Variants in MCPH1 observed in about 807,000 individuals in gnomAD.
The protein encoded by MCPH1 is microcephalin.
In MCPH1, 104 loss-of-function variants were observed where a neutral mutation model predicts 84.5. That is an observed-to-expected ratio of 1.23 (90% CI 1.05 to 1.45). The LOEUF is 1.45. Among genes scored for constraint, MCPH1 ranks in the 40% most tolerant of loss-of-function variants. The probability of loss-of-function intolerance (pLI) is 0.00; values close to 1 mark genes in which losing one functional copy is unlikely to be tolerated. For missense variants in MCPH1, 1,498 were observed against 1,005.7 expected, an observed-to-expected ratio of 1.49 and a Z score of -6.62; for synonymous variants, 514 against 366.8, an observed-to-expected ratio of 1.40 and a Z score of -4.58.
At chr8:6,576,971 A>G (rs950687856) in intron 12 of MCPH1, among the ~76,000 whole-genome samples, 1 of 152,052 alleles carries the variant, frequency 6.6e-6, no homozygotes, top group African/African-American at 2.4e-5. Context: ...GGCCCTGCCC[A>G]TTCTGCGGAA....
chr8:6,438,464 G>A (rs1456652365), intron 5 of MCPH1, among the ~76,000 whole-genome samples: 3 of 152,116 alleles, frequency 2.0e-5, no homozygotes, highest in East Asian at 3.8e-4. Context: ...CACACAAAAC[G>A]AGCTCATAAC....
intron 12 of MCPH1, among the ~76,000 whole-genome samples, chr8:6,606,822 T>A (rs920171650): frequency 6.6e-6 from 1 of 152,160 alleles, no homozygotes; most frequent in African/African-American, 2.4e-5. Flanking sequence ...AGTGAATAAG[T>A]GTCATAAGAG....
intron 9 of MCPH1, among the ~76,000 whole-genome samples, chr8:6,457,954 C>G (rs1805877185): frequency 6.6e-6 from 1 of 152,104 alleles, no homozygotes; most frequent in African/African-American, 2.4e-5. Flanking sequence ...TGGCCCCAAG[C>G]CAGACATGCT....
chr8:6,500,289 G>T (rs893257286), intron 12 of MCPH1: 13 of 211,634 alleles, frequency 6.1e-5, no homozygotes, highest in Non-Finnish European at 1.1e-4. Flanking sequence ...AAAGATTATG[G>T]CTTGCTGGTG....
intron 13 of MCPH1, among the ~76,000 whole-genome samples, chr8:6,641,890 A>G (rs1391675176): frequency 6.6e-6 from 1 of 152,130 alleles, no homozygotes; most frequent in Non-Finnish European, 1.5e-5. Flanking sequence ...AGCTATCACA[A>G]ATGTTAGTGT....
chr8:6,626,516 G>C, intron 13 of MCPH1: 1 of 976,312 alleles, frequency 1.0e-6, no homozygotes, highest in South Asian at 4.8e-5. Context: ...CACACTTGTG[G>C]GTGGTTGAAC....
Position 6,502,981 on chromosome 8 carries a change from A to G in MCPH1, c.2214+3052A>G, listed in dbSNP as rs1008440387. The G allele has an allele frequency of 5.0e-6, 6 of 1,200,094 alleles. No individual in the cohort carries two copies. In the African/African-American group the frequency reaches 9.1e-5, roughly 18 times the overall value. 74.3% of individuals were successfully genotyped at this position (1,200,094 alleles called of 1,614,324 possible). On this transcript the variant is annotated intron_variant, in intron 12 of 13. Coordinates refer to ENST00000344683, the MANE Select transcript of MCPH1 (RefSeq NM_024596.5). ...TAATCTGGAGCATGTGGGTCCCGTC[A>G]GCACCGAGCACACGCCCTCTGTGGT...
intron 12 of MCPH1, among the ~76,000 whole-genome samples, chr8:6,517,732 T>C (rs764960890): frequency 6.6e-6 from 1 of 152,150 alleles, no homozygotes; most frequent in Non-Finnish European, 1.5e-5. Flanking sequence ...CTGTTACAGA[T>C]GGGGAAACTG....
rs562083888 is a variant in MCPH1, at chr8:6,492,908, T to C, written c.2137-6944T>C. The stretch of plus-strand genomic sequence containing the variant: ...TGCCATGTAAATACTATTGTCTACT[T>C]CCTGGTACGTGGCTCTAGGGAGGCT... On this transcript the variant is annotated intron_variant, in intron 11 of 13. Transcript: ENST00000344683. Among the ~76,000 whole-genome samples, 6 of 152,234 alleles carry C rather than the reference T, an allele frequency of 3.9e-5. No individual in the cohort carries two copies. In the South Asian group the frequency reaches 1.0e-3, roughly 26 times the overall value.
At chr8:6,480,037 A>G (rs192141483) in intron 10 of MCPH1, among the ~76,000 whole-genome samples, 62 of 152,294 alleles carry the variant, frequency 4.1e-4, no homozygotes, top group African/African-American at 1.4e-3. Flanking sequence ...GATAGGTTCA[A>G]ATAGGCCTGA....
At chr8:6,434,834 T>A (rs981280707) in intron 4 of MCPH1, among the ~76,000 whole-genome samples, 1 of 152,202 alleles carries the variant, frequency 6.6e-6, no homozygotes, top group Non-Finnish European at 1.5e-5. Flanking sequence ...GACAGATGAC[T>A]TAAATTTCCC....
At chr8:6,605,378 G>T (rs1475172870) in intron 12 of MCPH1, among the ~76,000 whole-genome samples, 1 of 152,104 alleles carries the variant, frequency 6.6e-6, no homozygotes, top group Non-Finnish European at 1.5e-5. Flanking sequence ...ACTAGAGCAG[G>T]GAGTCCTTGC....
intron 3 of MCPH1, among the ~76,000 whole-genome samples, chr8:6,415,269 C>T (rs1309857918): frequency 1.4e-5 from 2 of 147,168 alleles, no homozygotes; most frequent in East Asian, 2.0e-4. Flanking sequence ...AGTCCAGTAT[C>T]AAGTTGTCAA....
intron 12 of MCPH1, among the ~76,000 whole-genome samples, chr8:6,558,379 A>C (rs976996184): frequency 1.3e-5 from 2 of 152,138 alleles, no homozygotes; most frequent in Non-Finnish European, 2.9e-5. Context: ...TATTTTTTAA[A>C]TTACTCCCAT....
chr8:6,422,805 C>G (rs1290155337), intron 3 of MCPH1, among the ~76,000 whole-genome samples: 1 of 152,184 alleles, frequency 6.6e-6, no homozygotes, highest in African/African-American at 2.4e-5. Context: ...TCTCCTGCCT[C>G]AGCCTCCCGA....
At chr8:6,630,675 G>A (rs2912040) in intron 13 of MCPH1, among the ~76,000 whole-genome samples, 8,185 of 151,696 alleles carry the variant, frequency 0.054, 735 homozygotes, top group African/African-American at 0.19. Flanking sequence ...CAGCTACTTG[G>A]GAGGCTGAGG....
intron 13 of MCPH1, among the ~76,000 whole-genome samples, chr8:6,640,184 G>T (rs1797855661): frequency 6.6e-6 from 1 of 151,416 alleles, no homozygotes; most frequent in Non-Finnish European, 1.5e-5. Context: ...TTCTTGAGCT[G>T]GAATTATTCT....
chr8:6,509,407 T>C (rs373894167), intron 12 of MCPH1, among the ~76,000 whole-genome samples: 8 of 152,196 alleles, frequency 5.3e-5, no homozygotes, highest in African/African-American at 1.9e-4. Context: ...TCTCCAGTCA[T>C]CTTCCATAGA....
At chr8:6,463,155 G>A (rs1367865953) in intron 9 of MCPH1, among the ~76,000 whole-genome samples, 1 of 152,190 alleles carries the variant, frequency 6.6e-6, no homozygotes, top group Non-Finnish European at 1.5e-5. Flanking sequence ...TCCTCCCATT[G>A]AGAACCTTTG....
Sources: gnomAD v4.1 joint callset for allele counts (sites outside exome capture counted in the v4.1 genomes callset) on GRCh38, gnomAD v4.1.1 for gene constraint, MANE v1.5 for transcripts, NCBI Gene and HGNC (gene_info 2026-07-23, HGNC 2026-07-21) for gene names.